The following DOCK4 variants were observed in gnomAD, a reference collection of about 807,000 sequenced individuals.
The protein encoded by DOCK4 is dedicator of cytokinesis 4, also known as dedicator of cytokinesis protein 4.
A neutral mutation model predicts 268.1 loss-of-function variants in DOCK4; 97 were observed. The observed-to-expected ratio is 0.36, with a 90% confidence interval of 0.31 to 0.43. DOCK4 has a LOEUF of 0.43. Among genes scored for constraint, DOCK4 ranks in the 20% least tolerant of loss-of-function variants. DOCK4 has a pLI of 1.00. For missense variants in DOCK4, 2,145 were observed against 2,455.7 expected, an observed-to-expected ratio of 0.87 and a Z score of 2.67; for synonymous variants, 954 against 887.2, an observed-to-expected ratio of 1.08 and a Z score of -1.34.
At chr7:111,763,601 T>G (rs1797586406) in intron 39 of DOCK4, among the ~76,000 whole-genome samples, 1 of 152,214 alleles carries the variant, frequency 6.6e-6, no homozygotes, top group East Asian at 1.9e-4. Flanking sequence ...AATTATAATC[T>G]TTCAGACATG....
At chr7:111,911,363 G>A (rs923884432) in intron 13 of DOCK4, among the ~76,000 whole-genome samples, 9 of 151,956 alleles carry the variant, frequency 5.9e-5, no homozygotes, top group Non-Finnish European at 1.2e-4. Flanking sequence ...ATGATTGCAT[G>A]TTTCCTAGTG....
At chr7:111,773,116 T>C (rs1000790664) in intron 36 of DOCK4, among the ~76,000 whole-genome samples, 1 of 152,202 alleles carries the variant, frequency 6.6e-6, no homozygotes, top group Non-Finnish European at 1.5e-5. Context: ...ATTAATCCCA[T>C]TCTACCATTT....
At chr7:111,816,238 T>C (rs192837362) in intron 27 of DOCK4, among the ~76,000 whole-genome samples, 4 of 152,252 alleles carry the variant, frequency 2.6e-5, no homozygotes, top group East Asian at 3.9e-4. Flanking sequence ...AAATCATATA[T>C]GGACTGAGAG....
At chr7:112,202,521 G>A (rs1192710016) in intron 1 of DOCK4, among the ~76,000 whole-genome samples, 1 of 52,528 alleles carries the variant, frequency 1.9e-5, no homozygotes, top group African/African-American at 6.5e-5. Flanking sequence ...TTTGTTAATA[G>A]CCTGATTAAT....
intron 1 of DOCK4, among the ~76,000 whole-genome samples, chr7:112,016,783 TG>T (rs1274081858): frequency 6.6e-6 from 1 of 152,204 alleles, no homozygotes; most frequent in African/African-American, 2.4e-5. Context: ...GTATATCAGG[TG>T]AAATTTCAAG....
At chr7:111,828,884 G>GTGTGTATATATATATATATA (rs1554605952) in intron 26 of DOCK4, among the ~76,000 whole-genome samples, 7 of 124,216 alleles carry the variant, frequency 5.6e-5, no homozygotes, top group Non-Finnish European at 9.2e-5. Context: ...GTGTGTGTGT[G>GTGTGTATATATATATATATA]TGTGTATATA....
At chr7:112,041,043 A>T (rs1804308661) in intron 1 of DOCK4, among the ~76,000 whole-genome samples, 1 of 152,150 alleles carries the variant, frequency 6.6e-6, no homozygotes, top group African/African-American at 2.4e-5. Context: ...CAATGATAAC[A>T]TATACCAGCT....
At chr7:112,179,526 GTT>G (rs57154206) in intron 1 of DOCK4, among the ~76,000 whole-genome samples, 5 of 145,434 alleles carry the variant, frequency 3.4e-5, no homozygotes, top group African/African-American at 5.0e-5. Context: ...TTGTTTTTTT[GTT>G]TTTTTTTTTT....
At chr7:111,933,409 C>T (rs2134695349) in intron 12 of DOCK4, among the ~76,000 whole-genome samples, 1 of 150,598 alleles carries the variant, frequency 6.6e-6, no homozygotes, top group Admixed American at 6.6e-5. Flanking sequence ...ATTCTCCTGC[C>T]TCAGACTCCG....
intron 32 of DOCK4, among the ~76,000 whole-genome samples, chr7:111,786,818 T>C (rs1799204406): frequency 1.3e-5 from 2 of 152,242 alleles, no homozygotes; most frequent in African/African-American, 4.8e-5. Context: ...ATTTATTGTT[T>C]CCTGAAATAA....
rs541273379 is a variant in DOCK4 at position 111,984,682 on chromosome 7, T to C, written c.465-292A>G. Among the ~76,000 whole-genome samples the C allele has an allele frequency of 1.5e-4, 23 of 152,298 alleles. 1 individual carries two copies. Among genetic ancestry groups the C allele is most frequent in the Non-Finnish European group, 3.1e-4 (21 of 68,034 alleles). On this transcript the variant is annotated intron_variant, in intron 6 of 52. Coordinates refer to ENST00000428084, the MANE Select transcript of DOCK4 (RefSeq NM_001363540.2). ...CCTTAGCACCACATGGTGTGGAGCC[T>C]TCAGCGCCCTTCAAATTATCACGAG...
At position 111,822,380 on chromosome 7, in the gene DOCK4, A is replaced by G. The variant is rs1371904911; in HGVS notation, c.2912T>C (p.Met971Thr). Residue 971 changes from methionine (M) to threonine (T), a missense_variant, in exon 27 of 53, where the codon ATG becomes ACG. Coordinates refer to ENST00000428084, the MANE Select transcript of DOCK4 (RefSeq NM_001363540.2). ...PEMFPKDWTV[M>T]RLVANNVIIT... ...GTCTTACTTGTTAGCAACCAAGCGCATAACAGTCCAGTCCTTTGGAAACAT... is the reference window on the plus strand; with the variant it reads ...GTCTTACTTGTTAGCAACCAAGCGCGTAACAGTCCAGTCCTTTGGAAACAT... 2.5e-6 allele frequency: 4 copies of G among 1,613,442 alleles called. No homozygotes were observed. The highest frequency in any genetic ancestry group is 1.1e-5 in the South Asian group (1 of 90,910).
intron 1 of DOCK4, among the ~76,000 whole-genome samples, chr7:112,184,342 G>A (rs559123551): frequency 3.9e-5 from 6 of 152,162 alleles, no homozygotes; most frequent in East Asian, 1.9e-4. Flanking sequence ...TTTCCCTAAC[G>A]CACCCCTCTG....
chr7:111,868,032 G>T lies in DOCK4; in HGVS notation c.2232C>A (p.Phe744Leu). 1 of 1,612,742 alleles carries T rather than the reference G, an allele frequency of 6.2e-7. No homozygotes were observed. The highest frequency in any genetic ancestry group is 8.5e-7 in the Non-Finnish European group (1 of 1,179,370). Residue 744 changes from phenylalanine to leucine, a missense_variant, in exon 22 of 53, where the codon TTC (phenylalanine) becomes TTA (leucine). By Grantham distance (22) the Phe-to-Leu change is conservative. Transcript: ENST00000428084. Reference sequence around the variant, plus strand: ...ACCCTTTGCTCTCTTGCGAAAGAAAGAAACGGACTGACATGAGAAGCTCCT... The same window carrying T: ...ACCCTTTGCTCTCTTGCGAAAGAAATAAACGGACTGACATGAGAAGCTCCT... Reference protein sequence around the residue: ...CIQELLMSVRFFLSQESKGSG... With the variant: ...CIQELLMSVRLFLSQESKGSG...
At chr7:112,204,742 A>G (rs13236012) in intron 1 of DOCK4, among the ~76,000 whole-genome samples, 91,015 of 148,660 alleles carry the variant, frequency 0.61, 30,669 homozygotes, top group Non-Finnish European at 0.76. Flanking sequence ...CAAAGTTGGG[A>G]AAAAAAAAAA....
At chr7:112,072,987 A>G (rs757696060) in intron 1 of DOCK4, among the ~76,000 whole-genome samples, 1 of 152,188 alleles carries the variant, frequency 6.6e-6, no homozygotes, top group Non-Finnish European at 1.5e-5. Context: ...CCCCAAGGGA[A>G]GAATCAGGGG....
At chr7:112,048,220 G>A (rs1804998029) in intron 1 of DOCK4, among the ~76,000 whole-genome samples, 1 of 151,672 alleles carries the variant, frequency 6.6e-6, no homozygotes, top group Non-Finnish European at 1.5e-5. Flanking sequence ...ATAATTAAAC[G>A]ACTTAGAGCC....
chr7:111,900,480 C>T lies in DOCK4; in HGVS notation c.1374G>A (p.Val458=), dbSNP rs1218705303. ...ACCTGGGACTGTTGTTATGGTAAAG[C>T]ACAAAGGAGTGGTACTCACTGGCTG... ...EPPASEYHSF[V]LYHNNSPRWS... Residue 458 remains valine, a synonymous_variant, in exon 15 of 53, where the codon GTG becomes GTA. Transcript: ENST00000428084. 1 of 1,613,020 alleles carries T rather than the reference C, an allele frequency of 6.2e-7. No individual in the cohort carries two copies. The highest frequency in any genetic ancestry group is 8.5e-7 in the Non-Finnish European group (1 of 1,179,576).
Position 111,755,553 on chromosome 7 carries a change from C to T in DOCK4, c.4378G>A (p.Gly1460Ser). ...TCCACTTCAAACCAGCGAGAGATGC[C>T]AGGCAAACTCTGCACCAAGTATAAT... is the stretch of plus-strand genomic sequence containing the variant. ...TSLYLVQSLP[G>S]ISRWFEVEKR... Residue 1460 changes from glycine (G) to serine (S), a missense_variant, in exon 42 of 53, where the codon GGC becomes AGC. Physicochemically the swap from Gly to Ser is moderately conservative, Grantham distance 56. This residue lies in a region of DOCK4 where 1,598 missense variants were observed against 1,986.7 expected (regional missense o/e 0.80). Coordinates refer to ENST00000428084, the MANE Select transcript of DOCK4 (RefSeq NM_001363540.2). 6.2e-7 allele frequency: 1 copy of T among 1,613,944 alleles called. No homozygotes were observed. The highest frequency in any genetic ancestry group is 1.1e-5 in the South Asian group (1 of 91,064).
Sources: gnomAD v4.1 joint callset for allele counts (sites outside exome capture counted in the v4.1 genomes callset) on GRCh38, gnomAD v4.1.1 for gene constraint, gnomAD v4.1.1 regional missense constraint, MANE v1.5 for transcripts, NCBI Gene and HGNC (gene_info 2026-07-23, HGNC 2026-07-21) for gene names.